The following PRELID2 variants were observed in gnomAD, a reference collection of about 807,000 sequenced individuals.
PRELID2 encodes the protein PRELI domain containing 2, also known as PRELI domain-containing protein 2.
PRELID2 carries 25 observed loss-of-function variants against 28.4 expected under a neutral mutation model. The ratio of observed to expected loss-of-function variants is 0.88; its 90% CI spans 0.64 to 1.23. The LOEUF is 1.23. PRELID2 is among the 50% of genes most tolerant of loss of function. The pLI is 0.00. For synonymous variants in PRELID2, 76 were observed against 71.6 expected (o/e 1.06, Z -0.31); for missense variants, 201 against 214.4 (o/e 0.94, Z 0.39).
intron 1 of PRELID2, among the ~76,000 whole-genome samples, chr5:145,567,253 AT>A (rs1752974890): frequency 6.6e-6 from 1 of 152,208 alleles, no homozygotes; most frequent in African/African-American, 2.4e-5. Context: ...TCAAATTGTA[AT>A]CCCCATGTGT....
intron 1 of PRELID2, among the ~76,000 whole-genome samples, chr5:145,716,437 G>T (rs1218096795): frequency 6.6e-6 from 1 of 152,096 alleles, no homozygotes; most frequent in Admixed American, 6.6e-5. Flanking sequence ...GTTTTGGGGT[G>T]GGTGCTCAGA....
At chr5:145,780,632 A>C (rs551338818) in intron 5 of PRELID2, among the ~76,000 whole-genome samples, 1 of 152,342 alleles carries the variant, frequency 6.6e-6, no homozygotes, top group East Asian at 1.9e-4. Context: ...TAAAGATTTT[A>C]AAAGTCTTTT....
At chr5:145,814,382 C>A (rs1754156142) in intron 4 of PRELID2, among the ~76,000 whole-genome samples, 1 of 152,172 alleles carries the variant, frequency 6.6e-6, no homozygotes, top group Admixed American at 6.5e-5. Context: ...CTGGCCACAG[C>A]CTTTACACTT....
intron 1 of PRELID2, among the ~76,000 whole-genome samples, chr5:145,741,946 A>C (rs1383091176): frequency 4.5e-4 from 3 of 6,600 alleles, no homozygotes; most frequent in Non-Finnish European, 9.0e-4. Flanking sequence ...TAAATAAATA[A>C]ATTTATTATA....
At chr5:145,357,437 CTTTA>C in the PRELID2 span, among the ~76,000 whole-genome samples, 2 of 152,104 alleles carry the variant, frequency 1.3e-5, no homozygotes, top group African/African-American at 4.8e-5. Flanking sequence ...ATTCATTCTT[CTTTA>C]TTGTTTTTTC....
At chr5:145,259,907 T>C in the PRELID2 span, among the ~76,000 whole-genome samples, 25 of 152,300 alleles carry the variant, frequency 1.6e-4, no homozygotes, top group African/African-American at 5.5e-4. Context: ...TCATGTTGAA[T>C]TATAATCCCC....
chr5:145,551,400 CTAAATAAATAAATAAA>C (rs10574544), intron 1 of PRELID2, among the ~76,000 whole-genome samples: 9 of 148,026 alleles, frequency 6.1e-5, no homozygotes, highest in Admixed American at 2.7e-4. Flanking sequence ...GACTCAGTCT[CTAAATAAATAAATAAA>C]TAAATAAATA....
chr5:145,438,541 C>T, the PRELID2 span, among the ~76,000 whole-genome samples: 3 of 152,058 alleles, frequency 2.0e-5, no homozygotes, highest in African/African-American at 4.8e-5. Context: ...GTGTCATCTC[C>T]GAATATAAAC....
intron 1 of PRELID2, among the ~76,000 whole-genome samples, chr5:145,662,482 T>C (rs912860833): frequency 6.6e-6 from 1 of 151,944 alleles, no homozygotes; most frequent in Non-Finnish European, 1.5e-5. Context: ...AGCAGCTATT[T>C]TGTCTTTGCT....
At chr5:145,230,734 T>C in the PRELID2 span, among the ~76,000 whole-genome samples, 1 of 152,218 alleles carries the variant, frequency 6.6e-6, no homozygotes, top group African/African-American at 2.4e-5. Flanking sequence ...AGGAGCTGCT[T>C]AAATGGTTGG....
At chr5:145,713,756 T>C (rs1286136691) in intron 1 of PRELID2, among the ~76,000 whole-genome samples, 1 of 141,140 alleles carries the variant, frequency 7.1e-6, no homozygotes, top group Non-Finnish European at 1.5e-5. Flanking sequence ...CTGGCACATA[T>C]ATATATGCCA....
intron 1 of PRELID2, among the ~76,000 whole-genome samples, chr5:145,740,488 T>C (rs1294750472): frequency 1.5e-5 from 2 of 137,838 alleles, no homozygotes; most frequent in African/African-American, 5.3e-5. Flanking sequence ...TATAGAAGAA[T>C]GCAATAACAC....
intron 1 of PRELID2, among the ~76,000 whole-genome samples, chr5:145,673,194 T>A (rs113880242): frequency 2.8e-4 from 43 of 152,240 alleles, no homozygotes; most frequent in African/African-American, 9.9e-4. Flanking sequence ...AACCTAGGGT[T>A]GAAGGCAGCC....
intron 1 of PRELID2, among the ~76,000 whole-genome samples, chr5:145,664,330 C>T (rs1754548169): frequency 6.6e-6 from 1 of 152,046 alleles, no homozygotes. Context: ...ATTGTGCTTT[C>T]TCCTTTCCAT....
chr5:145,567,809 G>A (rs1752980721), intron 1 of PRELID2, among the ~76,000 whole-genome samples: 1 of 152,186 alleles, frequency 6.6e-6, no homozygotes, highest in African/African-American at 2.4e-5. Context: ...CCCCAGCCAT[G>A]TGGAACTGCG....
intron 1 of PRELID2, among the ~76,000 whole-genome samples, chr5:145,830,714 A>C (rs933074068): frequency 6.6e-6 from 1 of 152,226 alleles, no homozygotes; most frequent in African/African-American, 2.4e-5. Context: ...CTCCATGAAG[A>C]GTTTATTGAG....
the PRELID2 span, among the ~76,000 whole-genome samples, chr5:145,361,789 G>A: frequency 6.6e-6 from 1 of 152,100 alleles, no homozygotes; most frequent in African/African-American, 2.4e-5. Flanking sequence ...TACACTGGCT[G>A]GCCTTCTTTT....
At chr5:145,552,163 A>G (rs1463051407) in intron 1 of PRELID2, among the ~76,000 whole-genome samples, 1 of 152,158 alleles carries the variant, frequency 6.6e-6, no homozygotes, top group African/African-American at 2.4e-5. Flanking sequence ...TTGGGAGGCA[A>G]GACAACAGCC....
the PRELID2 span, among the ~76,000 whole-genome samples, chr5:145,438,107 G>C: frequency 6.6e-6 from 1 of 152,190 alleles, no homozygotes; most frequent in East Asian, 1.9e-4. Flanking sequence ...TAATTGGACT[G>C]AGGGGATCAA....
Sources: allele counts gnomAD v4.1 joint callset (sites outside exome capture counted in the v4.1 genomes callset), GRCh38; gene constraint gnomAD v4.1.1; transcripts MANE v1.5; gene names NCBI Gene and HGNC (gene_info 2026-07-23, HGNC 2026-07-21).